The following OPHN1 variants were observed in gnomAD, a reference collection of about 807,000 sequenced individuals.
OPHN1 encodes the protein oligophrenin-1.
OPHN1 carries 11 observed loss-of-function variants against 60.7 expected under a neutral mutation model. That is an observed-to-expected ratio of 0.18 (90% CI 0.11 to 0.30). OPHN1 has a LOEUF of 0.30. Ranked by LOEUF, OPHN1 falls within the 10% of genes least tolerant of loss-of-function variation. The pLI, the probability that OPHN1 is intolerant of heterozygous loss-of-function variation, is 1.00. For synonymous variants in OPHN1, 226 were observed against 222.6 expected (o/e 1.02, Z -0.14); for missense variants, 449 against 611.0 (o/e 0.73, Z 2.80).
intron 19 of OPHN1, among the ~76,000 whole-genome samples, chrX:68,096,298 T>C (rs1192480709): frequency 2.7e-5 from 3 of 112,158 alleles, no homozygotes; most frequent in African/African-American, 9.7e-5. Context: ...CATATCCTTC[T>C]GTCTTCTAAT....
chrX:68,217,933 G>A (rs1178167101), intron 6 of OPHN1, among the ~76,000 whole-genome samples: 2 of 104,298 alleles, frequency 1.9e-5, no homozygotes, highest in Admixed American at 1.1e-4. Flanking sequence ...GATGGAGAAT[G>A]ACTTTGACGA....
chrX:68,071,215 C>T, intron 20 of OPHN1: 1 of 669,641 alleles, frequency 1.5e-6, no homozygotes, highest in Non-Finnish European at 2.5e-6. Context: ...CATCAAAAAA[C>T]CACCAGCCTT....
intron 2 of OPHN1, among the ~76,000 whole-genome samples, chrX:68,418,183 C>T (rs1467934582): frequency 8.9e-6 from 1 of 111,741 alleles, no homozygotes; most frequent in Non-Finnish European, 1.9e-5. Flanking sequence ...CTGCCTAACA[C>T]ATGGCATAAG....
chrX:68,275,497 A>G (rs2077988122), intron 4 of OPHN1, among the ~76,000 whole-genome samples: 1 of 111,380 alleles, frequency 9.0e-6, no homozygotes, highest in African/African-American at 3.3e-5. Context: ...ACCTCTTATG[A>G]GATTGTATAT....
chrX:68,422,208 C>T (rs944388343), intron 2 of OPHN1, among the ~76,000 whole-genome samples: 1 of 110,628 alleles, frequency 9.0e-6, no homozygotes, highest in Non-Finnish European at 1.9e-5. Context: ...CCCCTAGCCC[C>T]GATAAAGAAC....
At chrX:68,331,730 CA>C (rs1158512927) in intron 2 of OPHN1, among the ~76,000 whole-genome samples, 3,373 of 39,314 alleles carry the variant, frequency 0.086, 224 homozygotes, top group African/African-American at 0.26. Flanking sequence ...GACTCTGTAT[CA>C]AAAAAAAAAA....
chrX:68,272,981 G>C (rs1018202447), intron 5 of OPHN1, among the ~76,000 whole-genome samples: 6 of 111,957 alleles, frequency 5.4e-5, no homozygotes, highest in African/African-American at 1.9e-4. Context: ...TGAGACTCCA[G>C]TGAAACAAGT....
intron 2 of OPHN1, among the ~76,000 whole-genome samples, chrX:68,417,157 G>A (rs2078803329): frequency 9.0e-6 from 1 of 110,864 alleles, no homozygotes; most frequent in Non-Finnish European, 1.9e-5. Flanking sequence ...ATGCAGTGGC[G>A]CGATCTCGGC....
At chrX:68,143,346 T>C (rs771049273) in intron 15 of OPHN1, among the ~76,000 whole-genome samples, 1 of 111,960 alleles carries the variant, frequency 8.9e-6, no homozygotes, top group Non-Finnish European at 1.9e-5. Flanking sequence ...AGTTTGAAAC[T>C]ATGCTTGGTG....
intron 21 of OPHN1, among the ~76,000 whole-genome samples, chrX:68,063,303 C>CT (rs1355231803): frequency 9.0e-6 from 1 of 111,093 alleles, no homozygotes; most frequent in African/African-American, 3.3e-5. Context: ...GGTGGATCAC[C>CT]TGAGGTCGAG....
intron 5 of OPHN1, among the ~76,000 whole-genome samples, chrX:68,267,147 G>A (rs980475237): frequency 3.6e-5 from 4 of 111,180 alleles, no homozygotes; most frequent in Admixed American, 9.6e-5. Flanking sequence ...AGGATATCCA[G>A]GAATTGAACT....
chrX:68,269,791 G>T (rs1266545317), intron 5 of OPHN1, among the ~76,000 whole-genome samples: 3 of 111,808 alleles, frequency 2.7e-5, no homozygotes, highest in Non-Finnish European at 3.8e-5. Flanking sequence ...TACCATCAGA[G>T]CGAACAGGCA....
chrX:68,319,993 G>T (rs1018256218), intron 2 of OPHN1, among the ~76,000 whole-genome samples: 3 of 110,969 alleles, frequency 2.7e-5, no homozygotes, highest in Non-Finnish European at 3.8e-5. Flanking sequence ...CAGAGGATAT[G>T]TGGATGGCAA....
intron 20 of OPHN1, chrX:68,070,871 T>G: frequency 8.5e-7 from 1 of 1,177,589 alleles, no homozygotes; most frequent in Non-Finnish European, 1.2e-6. Context: ...GAAGCCACAG[T>G]GGCTTGGCCA....
intron 22 of OPHN1, 48 bp from the exon 23 acceptor site, chrX:68,052,638 G>T (rs752729117): frequency 1.8e-6 from 2 of 1,097,447 alleles, no homozygotes; most frequent in East Asian, 3.0e-5. Context: ...TGGTATACAC[G>T]TGAGAACCAA....
intron 10 of OPHN1, 148 bp downstream of exon 10, chrX:68,206,425 C>A: frequency 2.0e-6 from 1 of 500,306 alleles, no homozygotes; most frequent in Non-Finnish European, 3.5e-6. Flanking sequence ...TGCTATCTGA[C>A]TCAAACTTAG....
At chrX:68,234,811 A>G (rs1277533896) in intron 5 of OPHN1, among the ~76,000 whole-genome samples, 1 of 112,057 alleles carries the variant, frequency 8.9e-6, no homozygotes, top group Non-Finnish European at 1.9e-5. Flanking sequence ...GGCAGTCCCT[A>G]TTTTTACAGC....
chrX:68,043,754 A>G lies in OPHN1; in HGVS notation c.*3418T>C, dbSNP rs192641110. 7 of 112,228 alleles carry G rather than the reference A, an allele frequency of 6.2e-5. No homozygotes were observed. The East Asian group carries it at 1.7e-3, about 27-fold the overall frequency. The allele number at this position is 112,228 out of a possible 1,213,427, so 9.2% of individuals were successfully genotyped here. A position where few individuals can be genotyped will look rare whatever the true frequency, so the allele number is the denominator to read the frequency against. On this transcript the variant is annotated 3_prime_UTR_variant, in exon 25 of 25. Transcript: ENST00000355520. The stretch of plus-strand genomic sequence containing the variant: ...CAAAAACTTCAAAAATAAAAATTCA[A>G]TATTTCTTTTTGTAAGCCATCTCTT...
At chrX:68,088,581 G>A (rs775429623) in intron 19 of OPHN1, among the ~76,000 whole-genome samples, 82 of 111,505 alleles carry the variant, frequency 7.4e-4, no homozygotes, top group African/African-American at 2.6e-3. Context: ...AGATACCAAG[G>A]TATTAATAAA....
Sources: gnomAD v4.1 joint callset for allele counts (sites outside exome capture counted in the v4.1 genomes callset) on GRCh38, gnomAD v4.1.1 for gene constraint, MANE v1.5 for transcripts, NCBI Gene and HGNC (gene_info 2026-07-23, HGNC 2026-07-21) for gene names.